ATP8B1: variants seen among roughly 807,000 people sequenced by gnomAD.
ATP8B1 encodes the protein ATPase phospholipid transporting 8B1, also known as phospholipid-transporting ATPase IC.
A neutral mutation model predicts 149.9 loss-of-function variants in ATP8B1; 80 were observed. The ratio of observed to expected loss-of-function variants is 0.53; its 90% CI spans 0.45 to 0.64. ATP8B1 has a LOEUF of 0.64. ATP8B1 is among the 30% of genes least tolerant of loss of function. The probability of loss-of-function intolerance (pLI) is 0.00; values close to 1 mark genes in which losing one functional copy is unlikely to be tolerated. For synonymous variants in ATP8B1, 536 were observed against 562.8 expected (o/e 0.95, Z 0.67); for missense variants, 1,247 against 1,552.6 (o/e 0.80, Z 3.31).
intron 1 of ATP8B1, among the ~76,000 whole-genome samples, chr18:57,744,542 T>C (rs1199740584): frequency 2.6e-5 from 4 of 152,138 alleles, no homozygotes; most frequent in Admixed American, 6.5e-5. Context: ...TTATAGTAAA[T>C]AATGAAAGTT....
chr18:57,725,397 A>G (rs1006126320), intron 2 of ATP8B1, among the ~76,000 whole-genome samples: 1 of 152,240 alleles, frequency 6.6e-6, no homozygotes, highest in Non-Finnish European at 1.5e-5. Context: ...GGACACCAGA[A>G]AAATGGAATG....
intron 17 of ATP8B1, among the ~76,000 whole-genome samples, chr18:57,670,127 T>C (rs955899666): frequency 3.9e-5 from 6 of 152,096 alleles, no homozygotes; most frequent in African/African-American, 1.4e-4. Context: ...TGCCTTGGGG[T>C]GTAATGACAT....
intron 2 of ATP8B1, among the ~76,000 whole-genome samples, chr18:57,709,315 A>T (rs1913575184): frequency 6.6e-6 from 1 of 152,210 alleles, no homozygotes; most frequent in Admixed American, 6.5e-5. Flanking sequence ...AGTTCGGTGG[A>T]TTTGCTTGTA....
chr18:57,800,138 A>C (rs890930952), intron 1 of ATP8B1, among the ~76,000 whole-genome samples: 2 of 152,186 alleles, frequency 1.3e-5, no homozygotes, highest in African/African-American at 2.4e-5. Flanking sequence ...TGTACAAATA[A>C]ACTCTAAAAT....
At position 57,742,816 on chromosome 18, in the gene ATP8B1, C is replaced by T. The variant is rs559796419; in HGVS notation, c.-25-10984G>A. Among the ~76,000 whole-genome samples, 11 of 127,072 alleles carry T rather than the reference C, an allele frequency of 8.7e-5. No individual in the cohort carries two copies. The East Asian group carries it at 1.9e-3, about 22-fold the overall frequency. 83.4% of individuals were successfully genotyped at this position (127,072 alleles called of 152,430 possible). On this transcript the variant is annotated intron_variant, in intron 1 of 27. Coordinates refer to ENST00000648908, the MANE Select transcript of ATP8B1 (RefSeq NM_001374385.1). The stretch of plus-strand genomic sequence containing the variant: ...TTCAGGCTAGGTGACAGAGCAAGAC[C>T]CCATCTCTATAAAAAAAAAAAAAAC...
intron 23 of ATP8B1, 109 bp downstream of exon 23, chr18:57,655,085 A>C: frequency 9.8e-7 from 1 of 1,016,240 alleles, no homozygotes; most frequent in South Asian, 1.4e-5. Context: ...AAGGAGACAC[A>C]GCCCCAAAAC....
chr18:57,725,197 C>T (rs1230234478), intron 2 of ATP8B1, among the ~76,000 whole-genome samples: 1 of 137,596 alleles, frequency 7.3e-6, no homozygotes, highest in African/African-American at 2.7e-5. Context: ...CACATGTATA[C>T]ATATGTAACT....
intron 25 of ATP8B1, 124 bp downstream of exon 25, chr18:57,652,360 A>G: frequency 1.3e-6 from 2 of 1,489,736 alleles, no homozygotes; most frequent in Non-Finnish European, 9.3e-7. Flanking sequence ...AGATGAAAAT[A>G]GCATTTATAT....
chr18:57,701,536 T>C lies in ATP8B1; in HGVS notation c.394-223A>G, dbSNP rs542893839. Among the ~76,000 whole-genome samples the C allele has an allele frequency of 1.6e-4, 25 of 152,318 alleles. No individual in the cohort carries two copies. The South Asian group carries it at 5.0e-3, about 30-fold the overall frequency. ...ACCTGGAACAGAGCCTAGAGGGCAG[T>C]GGCTCCTGAAATTATCTCATTGCAA... On this transcript the variant is annotated intron_variant, in intron 4 of 27. Coordinates refer to ENST00000648908, the MANE Select transcript of ATP8B1 (RefSeq NM_001374385.1).
At chr18:57,780,733 A>G (rs1210704485) in intron 1 of ATP8B1, among the ~76,000 whole-genome samples, 1 of 152,242 alleles carries the variant, frequency 6.6e-6, no homozygotes, top group East Asian at 1.9e-4. Flanking sequence ...AATATTGTAC[A>G]CGATATGTAA....
At chr18:57,713,263 C>CTTTCTTTCTT (rs1555694288) in intron 2 of ATP8B1, among the ~76,000 whole-genome samples, 1 of 94,488 alleles carries the variant, frequency 1.1e-5, no homozygotes, top group African/African-American at 4.2e-5. Context: ...TTCTTTCTTT[C>CTTTCTTTCTT]TCTTTCTTTC....
At chr18:57,660,129 G>T (rs1408650454) in intron 22 of ATP8B1, among the ~76,000 whole-genome samples, 1 of 152,176 alleles carries the variant, frequency 6.6e-6, no homozygotes, top group Admixed American at 6.6e-5. Context: ...TAGTGACAGA[G>T]GGAGGAAAAA....
chr18:57,668,324 T>C, intron 19 of ATP8B1, 105 bp downstream of exon 19: 1 of 1,335,902 alleles, frequency 7.5e-7, no homozygotes, highest in Non-Finnish European at 1.1e-6. Flanking sequence ...AAAGAAACAG[T>C]GTTTGTACAG....
intron 4 of ATP8B1, among the ~76,000 whole-genome samples, chr18:57,701,771 A>C (rs780441260): frequency 1.3e-5 from 2 of 151,518 alleles, no homozygotes; most frequent in African/African-American, 2.4e-5. Context: ...TTTTGGCTCA[A>C]TGCAACCTCC....
chr18:57,696,292 G>A (rs1312918098), intron 8 of ATP8B1, among the ~76,000 whole-genome samples: 2 of 152,138 alleles, frequency 1.3e-5, no homozygotes, highest in South Asian at 2.1e-4. Context: ...CGCGGCTCAC[G>A]CATGTAATGG....
chr18:57,684,458 C>T (rs573604780), intron 14 of ATP8B1, among the ~76,000 whole-genome samples: 2 of 152,018 alleles, frequency 1.3e-5, no homozygotes, highest in African/African-American at 4.8e-5. Flanking sequence ...TTCTCTGCAA[C>T]CTCCACCTCC....
chr18:57,746,796 A>G (rs145614983), intron 1 of ATP8B1, among the ~76,000 whole-genome samples: 2,114 of 152,162 alleles, frequency 0.014, 29 homozygotes, highest in Non-Finnish European at 0.02. Context: ...CTTTCTTAAT[A>G]TCATTCTGTC....
intron 1 of ATP8B1, among the ~76,000 whole-genome samples, chr18:57,779,938 T>C (rs563668320): frequency 6.7e-6 from 1 of 150,024 alleles, no homozygotes; most frequent in Non-Finnish European, 1.5e-5. Flanking sequence ...ATAACAAAAA[T>C]AACATAGGTA....
intron 11 of ATP8B1, 50 bp downstream of exon 11, chr18:57,694,532 C>T: frequency 1.6e-6 from 2 of 1,245,016 alleles, no homozygotes; most frequent in Non-Finnish European, 2.3e-6. Flanking sequence ...AATATTAGTG[C>T]AAAAGACAGC....
Sources: gnomAD v4.1 joint callset for allele counts (sites outside exome capture counted in the v4.1 genomes callset) on GRCh38, gnomAD v4.1.1 for gene constraint, MANE v1.5 for transcripts, NCBI Gene and HGNC (gene_info 2026-07-23, HGNC 2026-07-21) for gene names.